The following NBAS variants were observed in gnomAD, a reference collection of about 807,000 sequenced individuals.
NBAS encodes NAG/BC035112 fusion.
A neutral mutation model predicts 302.5 loss-of-function variants in NBAS; 219 were observed. That is an observed-to-expected ratio of 0.72 (90% CI 0.65 to 0.81). The LOEUF is 0.81. Ranked by LOEUF, NBAS falls within the 30% of genes least tolerant of loss-of-function variation. NBAS has a pLI of 0.00. For missense variants in NBAS, 2,932 were observed against 2,841.6 expected, an observed-to-expected ratio of 1.03 and a Z score of -0.72; for synonymous variants, 1,118 against 1,021.6, an observed-to-expected ratio of 1.09 and a Z score of -1.80.
At chr2:15,011,582 G>A in the NBAS span, among the ~76,000 whole-genome samples, 11 of 152,114 alleles carry the variant, frequency 7.2e-5, no homozygotes, top group Middle Eastern at 3.4e-3. Context: ...GCCCTAGCAG[G>A]CACCCCTCCA....
At chr2:14,786,914 C>G in the NBAS span, among the ~76,000 whole-genome samples, 1 of 152,134 alleles carries the variant, frequency 6.6e-6, no homozygotes, top group Non-Finnish European at 1.5e-5. Context: ...CTAATGTTGA[C>G]AGTGGGGTGT....
the NBAS span, among the ~76,000 whole-genome samples, chr2:15,083,109 T>C: frequency 3.3e-5 from 5 of 152,210 alleles, no homozygotes; most frequent in African/African-American, 1.2e-4. Context: ...GGAGCAAAAG[T>C]GTGGGACACC....
At chr2:15,140,326 T>G in the NBAS span, among the ~76,000 whole-genome samples, 1 of 152,222 alleles carries the variant, frequency 6.6e-6, no homozygotes, top group East Asian at 1.9e-4. Context: ...CACCATGACC[T>G]TTCCAAATTC....
intron 1 of NBAS, among the ~76,000 whole-genome samples, chr2:15,560,439 G>A (rs571859838): frequency 6.6e-6 from 1 of 152,020 alleles, no homozygotes; most frequent in East Asian, 1.9e-4. Context: ...GCACTTCCGT[G>A]GCATTTTGCT....
intron 15 of NBAS, 116 bp downstream of exon 15, chr2:15,473,951 G>T: frequency 8.1e-7 from 1 of 1,238,078 alleles, no homozygotes; most frequent in Non-Finnish European, 1.2e-6. Flanking sequence ...TTTTTAACAT[G>T]TCAATGATCC....
the NBAS span, among the ~76,000 whole-genome samples, chr2:14,923,763 T>TGTGG: frequency 6.6e-6 from 1 of 152,100 alleles, no homozygotes; most frequent in Non-Finnish European, 1.5e-5. Flanking sequence ...TAGGCTGAGG[T>TGTGG]ACCCCCACCC....
intron 48 of NBAS, among the ~76,000 whole-genome samples, chr2:15,205,223 T>G (rs1435263947): frequency 6.6e-6 from 1 of 152,058 alleles, no homozygotes; most frequent in Non-Finnish European, 1.5e-5. Flanking sequence ...GTAAGATGCA[T>G]GGATAACCTC....
chr2:15,235,020 G>A (rs1251764159), intron 45 of NBAS, among the ~76,000 whole-genome samples: 1 of 152,174 alleles, frequency 6.6e-6, no homozygotes. Context: ...ATAGGGTCGT[G>A]TGAATAGAGG....
the NBAS span, among the ~76,000 whole-genome samples, chr2:14,917,809 G>C: frequency 1.3e-5 from 2 of 152,158 alleles, no homozygotes; most frequent in African/African-American, 2.4e-5. Flanking sequence ...AGTCCAAAAT[G>C]TACATACTTA....
the NBAS span, among the ~76,000 whole-genome samples, chr2:15,069,616 A>G: frequency 6.6e-6 from 1 of 152,166 alleles, no homozygotes; most frequent in Admixed American, 6.5e-5. Context: ...CACTATCAAA[A>G]CTACTTTTCA....
chr2:15,077,499 C>G, the NBAS span, among the ~76,000 whole-genome samples: 1 of 152,134 alleles, frequency 6.6e-6, no homozygotes, highest in African/African-American at 2.4e-5. Context: ...AAATGAGACA[C>G]CATGCTTTCC....
the NBAS span, among the ~76,000 whole-genome samples, chr2:14,878,787 G>C: frequency 1.3e-5 from 2 of 152,152 alleles, no homozygotes; most frequent in African/African-American, 4.8e-5. Flanking sequence ...TACAGTTGAT[G>C]AACCTACAGT....
chr2:14,872,275 A>C, the NBAS span, among the ~76,000 whole-genome samples: 1 of 152,338 alleles, frequency 6.6e-6, no homozygotes, highest in African/African-American at 2.4e-5. Context: ...GAAAGCCAGC[A>C]GCCTTCCTTC....
intron 11 of NBAS, among the ~76,000 whole-genome samples, chr2:15,490,067 C>T (rs566002368): frequency 6.7e-6 from 1 of 150,240 alleles, no homozygotes; most frequent in South Asian, 2.1e-4. Context: ...TAGTCAATGC[C>T]CACACCTTTC....
chr2:15,253,940 C>G (rs901474027), intron 44 of NBAS, among the ~76,000 whole-genome samples: 1 of 152,174 alleles, frequency 6.6e-6, no homozygotes, highest in Non-Finnish European at 1.5e-5. Context: ...ATGATAACAG[C>G]CCTTGCCCCA....
chr2:14,966,185 GA>G, the NBAS span, among the ~76,000 whole-genome samples: 1 of 152,164 alleles, frequency 6.6e-6, no homozygotes, highest in Admixed American at 6.5e-5. Flanking sequence ...TGTCAGACTT[GA>G]AAACTCCAGA....
intron 9 of NBAS, among the ~76,000 whole-genome samples, chr2:15,527,859 G>T (rs1256886914): frequency 1.3e-5 from 2 of 152,092 alleles, no homozygotes; most frequent in African/African-American, 2.4e-5. Context: ...CGTGTGGCGT[G>T]AACCAGTACC....
intron 37 of NBAS, 44 bp from the exon 38 acceptor site, chr2:15,327,914 G>A: frequency 6.2e-7 from 1 of 1,611,110 alleles, no homozygotes; most frequent in Non-Finnish European, 8.5e-7. Flanking sequence ...GGTGCCTTTT[G>A]TCCTACAAAC....
At chr2:15,274,755 CTTTT>C (rs1214054397) in intron 44 of NBAS, among the ~76,000 whole-genome samples, 1 of 151,812 alleles carries the variant, frequency 6.6e-6, no homozygotes, top group Non-Finnish European at 1.5e-5. Context: ...TGAATAACAT[CTTTT>C]TTATTTTTTT....
Sources: allele counts gnomAD v4.1 joint callset (sites outside exome capture counted in the v4.1 genomes callset), GRCh38; gene constraint gnomAD v4.1.1; transcripts MANE v1.5; gene names NCBI Gene and HGNC (gene_info 2026-07-23, HGNC 2026-07-21).